Variants in ADAMTS6 observed in about 807,000 individuals in gnomAD.
ADAMTS6 encodes the protein ADAM metallopeptidase with thrombospondin type 1 motif 6, also known as A disintegrin and metalloproteinase with thrombospondin motifs 6.
A neutral mutation model predicts 144.3 loss-of-function variants in ADAMTS6; 23 were observed. That is an observed-to-expected ratio of 0.16 (90% CI 0.11 to 0.23). ADAMTS6 has a LOEUF of 0.23. Among genes scored for constraint, ADAMTS6 ranks in the 10% least tolerant of loss-of-function variants. The pLI, the probability that ADAMTS6 is intolerant of heterozygous loss-of-function variation, is 1.00. For synonymous variants in ADAMTS6, 444 were observed against 457.5 expected, an observed-to-expected ratio of 0.97 and a Z score of 0.38; for missense variants, 999 against 1,379.6, an observed-to-expected ratio of 0.72 and a Z score of 4.37.
At chr5:65,320,437 C>T (rs1480420588) in intron 9 of ADAMTS6, among the ~76,000 whole-genome samples, 3 of 151,770 alleles carry the variant, frequency 2.0e-5, no homozygotes, top group African/African-American at 7.3e-5. Flanking sequence ...AATCTTCCCA[C>T]AATAAAAATT....
At chr5:65,178,835 C>T (rs1489269078) in intron 22 of ADAMTS6, among the ~76,000 whole-genome samples, 1 of 152,218 alleles carries the variant, frequency 6.6e-6, no homozygotes, top group Non-Finnish European at 1.5e-5. Flanking sequence ...AAAATCCCCG[C>T]ATAACCACTG....
intron 20 of ADAMTS6, among the ~76,000 whole-genome samples, chr5:65,213,263 T>TTC (rs1328126268): frequency 6.6e-6 from 1 of 151,712 alleles, no homozygotes; most frequent in African/African-American, 2.4e-5. Context: ...ATTATTCATC[T>TTC]TTTTTGTTTT....
intron 24 of ADAMTS6, among the ~76,000 whole-genome samples, chr5:65,154,664 A>G (rs538258475): frequency 6.6e-6 from 1 of 152,324 alleles, no homozygotes; most frequent in African/African-American, 2.4e-5. Context: ...TCCAAAATAA[A>G]GACTATGATA....
intron 7 of ADAMTS6, among the ~76,000 whole-genome samples, chr5:65,402,708 G>T (rs1346498870): frequency 2.0e-5 from 3 of 151,512 alleles, no homozygotes; most frequent in African/African-American, 7.3e-5. Flanking sequence ...CCCCATATTT[G>T]GCGCTGGATC....
rs1034297367 is a variant in ADAMTS6, at chr5:65,360,066, G to A, written c.1074-25981C>T. On this transcript the variant is annotated intron_variant, in intron 7 of 24. Transcript: ENST00000381055. The stretch of plus-strand genomic sequence containing the variant: ...CTGCTATAAAGAAATACCTGAGACT[G>A]GGTAATTTATAAAGAAAAGAGGTTG... 1.2e-4 allele frequency among the ~76,000 whole-genome samples: 18 copies of A among 152,250 alleles called. No homozygotes were observed. The South Asian group carries it at 1.5e-3, about 12-fold the overall frequency.
chr5:65,211,700 A>G (rs1280221261), intron 20 of ADAMTS6, among the ~76,000 whole-genome samples: 1 of 152,208 alleles, frequency 6.6e-6, no homozygotes, highest in Non-Finnish European at 1.5e-5. Context: ...AATTAAAATG[A>G]TACTGTTTTT....
At chr5:65,182,718 G>T (rs1309626377) in intron 22 of ADAMTS6, among the ~76,000 whole-genome samples, 1 of 152,162 alleles carries the variant, frequency 6.6e-6, no homozygotes, top group African/African-American at 2.4e-5. Context: ...GCAGTTATGT[G>T]TAAAGCTAAA....
intron 24 of ADAMTS6, among the ~76,000 whole-genome samples, chr5:65,155,487 G>T (rs569535706): frequency 6.6e-6 from 1 of 152,236 alleles, no homozygotes; most frequent in Admixed American, 6.5e-5. Context: ...GTAAGTATTT[G>T]TGTATCTAAA....
intron 20 of ADAMTS6, among the ~76,000 whole-genome samples, chr5:65,204,046 T>A (rs1755917142): frequency 6.6e-6 from 1 of 152,172 alleles, no homozygotes; most frequent in Non-Finnish European, 1.5e-5. Flanking sequence ...GATGAAATGA[T>A]GAAACAGTAC....
rs772683831 is a variant in ADAMTS6, at chr5:65,452,847, T to A, written c.703A>T (p.Asn235Tyr). The change falls in exon 5 of 25, where the codon AAC becomes TAC. Residue 235 changes from asparagine to tyrosine, a missense_variant. By Grantham distance (143) the Asn-to-Tyr change is moderately radical. This residue lies in a region of ADAMTS6 where 252 missense variants were observed against 293.7 expected (regional missense o/e 0.86). Coordinates refer to ENST00000381055, the MANE Select transcript of ADAMTS6 (RefSeq NM_197941.4). ...STVSYSLPIN[N>Y]THIHHRQKRS... ...TTCTGTCTGTGGTGGATATGTGTGTTGTTAATTGGTAGTGAATAAGAAACA... is the reference window on the plus strand; with the variant it reads ...TTCTGTCTGTGGTGGATATGTGTGTAGTTAATTGGTAGTGAATAAGAAACA... The A allele has an allele frequency of 6.8e-6, 11 of 1,614,000 alleles. No homozygotes were observed. The highest frequency in any genetic ancestry group is 8.5e-6 in the Non-Finnish European group (10 of 1,179,970).
At chr5:65,326,030 C>A (rs567842390) in intron 9 of ADAMTS6, among the ~76,000 whole-genome samples, 1 of 151,866 alleles carries the variant, frequency 6.6e-6, no homozygotes, top group Non-Finnish European at 1.5e-5. Flanking sequence ...TTTTTCCTTT[C>A]TTTTAAAAGA....
In ADAMTS6 at chr5:65,182,012, G is replaced by A. The variant is rs866077532; in HGVS notation, c.2910+6004C>T. 6.7e-4 allele frequency among the ~76,000 whole-genome samples: 102 copies of A among 152,280 alleles called. 1 individual carries two copies. Among genetic ancestry groups the A allele is most frequent in the African/African-American group, 2.3e-3 (94 of 41,558 alleles). On this transcript the variant is annotated intron_variant, in intron 22 of 24. Coordinates refer to ENST00000381055, the MANE Select transcript of ADAMTS6 (RefSeq NM_197941.4). ...TATTTTAAGAATGTAGTAGTATCTA[G>A]CTGCCTTTCCTAAAATCATATGCCA...
At chr5:65,156,243 G>T (rs1752408357) in intron 24 of ADAMTS6, among the ~76,000 whole-genome samples, 1 of 151,702 alleles carries the variant, frequency 6.6e-6, no homozygotes, top group African/African-American at 2.4e-5. Context: ...AAAGCCCAGT[G>T]AAATTATGAA....
At chr5:65,317,002 C>T (rs1225788714) in intron 9 of ADAMTS6, among the ~76,000 whole-genome samples, 1 of 152,084 alleles carries the variant, frequency 6.6e-6, no homozygotes, top group African/African-American at 2.4e-5. Flanking sequence ...GGGGTTTCAC[C>T]ATGTTGGCCA....
At chr5:65,404,303 A>G (rs980833005) in intron 7 of ADAMTS6, among the ~76,000 whole-genome samples, 2 of 151,848 alleles carry the variant, frequency 1.3e-5, no homozygotes, top group Admixed American at 6.6e-5. Context: ...CCCTGCCCCT[A>G]CCCCATGACA....
At chr5:65,267,738 T>A (rs377759820) in intron 12 of ADAMTS6, among the ~76,000 whole-genome samples, 1 of 152,158 alleles carries the variant, frequency 6.6e-6, no homozygotes, top group East Asian at 1.9e-4. Context: ...GTGATTATGG[T>A]ATACCTTTTA....
At chr5:65,414,603 G>C (rs1755344553) in intron 7 of ADAMTS6, among the ~76,000 whole-genome samples, 1 of 152,182 alleles carries the variant, frequency 6.6e-6, no homozygotes, top group Non-Finnish European at 1.5e-5. Flanking sequence ...TGAGAGGTAA[G>C]ATCATTCTTG....
At chr5:65,332,901 C>T (rs1746907441) in intron 8 of ADAMTS6, among the ~76,000 whole-genome samples, 1 of 152,138 alleles carries the variant, frequency 6.6e-6, no homozygotes. Flanking sequence ...TAATACTCAG[C>T]ATTGGCTATT....
rs574073836 is a variant in ADAMTS6 at position 65,403,853 on chromosome 5, T to C, written c.1073+47622A>G. Among the ~76,000 whole-genome samples, 9 of 152,250 alleles carry C rather than the reference T, an allele frequency of 5.9e-5. No homozygotes were observed. In the South Asian group the frequency reaches 1.9e-3, roughly 32 times the overall value. On this transcript the variant is annotated intron_variant, in intron 7 of 24. Coordinates refer to ENST00000381055, the MANE Select transcript of ADAMTS6 (RefSeq NM_197941.4). ...ATATTTCTTTATCTTTCTTTTCACC[T>C]GTGTCCCCTAGTAAAATGTAACCTC...
Sources: allele counts gnomAD v4.1 joint callset (sites outside exome capture counted in the v4.1 genomes callset), GRCh38; gene constraint gnomAD v4.1.1; regional missense constraint gnomAD v4.1.1; transcripts MANE v1.5; gene names NCBI Gene and HGNC (gene_info 2026-07-23, HGNC 2026-07-21).